Variants in CDH18 observed in about 807,000 individuals in gnomAD.
CDH18 encodes cadherin 18, also known as cadherin-18.
Under a neutral mutation model 67.9 loss-of-function variants are expected in CDH18, and 31 were observed. The observed-to-expected ratio is 0.46, with a 90% CI of 0.34 to 0.62. CDH18 has a LOEUF of 0.62. CDH18 is among the 20% of genes least tolerant of loss of function. The probability of loss-of-function intolerance (pLI) is 0.01; values close to 1 mark genes in which losing one functional copy is unlikely to be tolerated. For missense variants in CDH18, 890 were observed against 975.5 expected (o/e 0.91, Z 1.17); for synonymous variants, 362 against 347.2 (o/e 1.04, Z -0.48).
At chr5:19,955,424 CA>C (rs1414635470) in intron 2 of CDH18, among the ~76,000 whole-genome samples, 1 of 152,012 alleles carries the variant, frequency 6.6e-6, no homozygotes, top group Non-Finnish European at 1.5e-5. Flanking sequence ...GGTATTTTAA[CA>C]ATGGAATTCT....
chr5:19,521,862 T>C (rs1023785325), intron 9 of CDH18, among the ~76,000 whole-genome samples: 2 of 152,070 alleles, frequency 1.3e-5, no homozygotes, highest in Non-Finnish European at 2.9e-5. Flanking sequence ...TACACATTTT[T>C]TCCCTAGAAA....
intron 10 of CDH18, among the ~76,000 whole-genome samples, chr5:19,512,448 G>A (rs1745273406): frequency 6.6e-6 from 1 of 152,080 alleles, no homozygotes; most frequent in African/African-American, 2.4e-5. Context: ...CTGAGGCAAA[G>A]GACCTAAGTT....
chr5:20,472,117 TTAAA>T (rs1228995621), intron 1 of CDH18, among the ~76,000 whole-genome samples: 4 of 152,170 alleles, frequency 2.6e-5, no homozygotes, highest in Non-Finnish European at 5.9e-5. Context: ...TCATGTAACC[TTAAA>T]TAAAGAAAAC....
At chr5:19,701,674 G>A (rs183930131) in intron 5 of CDH18, among the ~76,000 whole-genome samples, 33 of 152,086 alleles carry the variant, frequency 2.2e-4, no homozygotes, top group Admixed American at 8.5e-4. Flanking sequence ...AGATAGTACC[G>A]CTTAGAGATA....
At chr5:19,714,006 G>C (rs905587536) in intron 5 of CDH18, among the ~76,000 whole-genome samples, 2 of 152,106 alleles carry the variant, frequency 1.3e-5, no homozygotes, top group East Asian at 3.9e-4. Context: ...AAAGGTCCCA[G>C]GTATCAGTTA....
intron 1 of CDH18, among the ~76,000 whole-genome samples, chr5:20,297,450 A>G (rs995193021): frequency 6.6e-6 from 1 of 152,214 alleles, no homozygotes; most frequent in African/African-American, 2.4e-5. Context: ...CCATTTTCTT[A>G]CAGAAGGATC....
intron 2 of CDH18, among the ~76,000 whole-genome samples, chr5:20,035,310 A>G (rs1352388908): frequency 6.6e-6 from 1 of 152,046 alleles, no homozygotes; most frequent in East Asian, 1.9e-4. Flanking sequence ...TATTTATTTT[A>G]ATAATGATGA....
intron 3 of CDH18, among the ~76,000 whole-genome samples, chr5:19,816,446 G>A (rs1408233421): frequency 6.6e-6 from 1 of 151,830 alleles, no homozygotes; most frequent in East Asian, 1.9e-4. Flanking sequence ...CATATTGCCA[G>A]CAGCTTTGCT....
intron 1 of CDH18, among the ~76,000 whole-genome samples, chr5:20,380,618 T>C (rs1743833776): frequency 6.6e-6 from 1 of 152,120 alleles, no homozygotes; most frequent in Admixed American, 6.6e-5. Context: ...CAGATAGGTA[T>C]TAGTTAGGTG....
At chr5:19,614,917 G>A (rs1749569052) in intron 5 of CDH18, among the ~76,000 whole-genome samples, 1 of 152,118 alleles carries the variant, frequency 6.6e-6, no homozygotes, top group Non-Finnish European at 1.5e-5. Context: ...AGAGGCCTAG[G>A]CAGGCAGATC....
intron 3 of CDH18, among the ~76,000 whole-genome samples, chr5:19,807,390 T>C (rs1431617210): frequency 1.3e-5 from 2 of 152,212 alleles, no homozygotes; most frequent in African/African-American, 2.4e-5. Context: ...ACCATCATCA[T>C]TGACTGAAAC....
intron 2 of CDH18, among the ~76,000 whole-genome samples, chr5:19,928,897 T>C (rs1793378675): frequency 6.6e-6 from 1 of 152,072 alleles, no homozygotes; most frequent in Non-Finnish European, 1.5e-5. Flanking sequence ...ATTTTACAGA[T>C]GAAGAAATTT....
intron 1 of CDH18, among the ~76,000 whole-genome samples, chr5:20,386,389 A>G (rs982129390): frequency 6.6e-6 from 1 of 152,196 alleles, no homozygotes; most frequent in Non-Finnish European, 1.5e-5. Context: ...AACATTCTGT[A>G]ATGGCATCTT....
intron 1 of CDH18, among the ~76,000 whole-genome samples, chr5:20,395,197 C>T (rs780694519): frequency 8.5e-5 from 13 of 152,152 alleles, no homozygotes; most frequent in Admixed American, 2.0e-4. Context: ...ACGTAAGTGG[C>T]CATTAACTGA....
intron 2 of CDH18, among the ~76,000 whole-genome samples, chr5:20,031,557 T>C (rs1178846008): frequency 6.6e-6 from 1 of 151,998 alleles, no homozygotes; most frequent in Non-Finnish European, 1.5e-5. Context: ...CTCCTCTTTC[T>C]AATTTCTTCA....
chr5:19,666,434 G>A (rs1422705363), intron 5 of CDH18, among the ~76,000 whole-genome samples: 2 of 151,628 alleles, frequency 1.3e-5, no homozygotes, highest in Non-Finnish European at 2.9e-5. Flanking sequence ...ATAATCCATT[G>A]TAAAAGATAA....
At chr5:20,083,478 T>C (rs1744665877) in intron 2 of CDH18, among the ~76,000 whole-genome samples, 1 of 152,180 alleles carries the variant, frequency 6.6e-6, no homozygotes, top group African/African-American at 2.4e-5. Flanking sequence ...TTCAGTAGCA[T>C]GTGCTCATAT....
chr5:20,021,524 A>G (rs1738421278), intron 2 of CDH18, among the ~76,000 whole-genome samples: 1 of 152,148 alleles, frequency 6.6e-6, no homozygotes, highest in Non-Finnish European at 1.5e-5. Context: ...TGCTGTTCTC[A>G]TGATAGTGAG....
intron 2 of CDH18, among the ~76,000 whole-genome samples, chr5:19,994,700 AGT>A (rs1735748427): frequency 2.2e-5 from 1 of 45,326 alleles, no homozygotes; most frequent in African/African-American, 9.9e-5. Context: ...AACCTCTTCC[AGT>A]ATATATATAT....
Sources: gnomAD v4.1 joint callset for allele counts (sites outside exome capture counted in the v4.1 genomes callset) on GRCh38, gnomAD v4.1.1 for gene constraint, MANE v1.5 for transcripts, NCBI Gene and HGNC (gene_info 2026-07-23, HGNC 2026-07-21) for gene names.